The following RASGRF2 variants were observed in gnomAD, a reference collection of about 807,000 sequenced individuals.
RASGRF2 encodes the protein Ras protein specific guanine nucleotide releasing factor 2.
In RASGRF2, 76 loss-of-function variants were observed where a neutral mutation model predicts 151.0. The observed-to-expected ratio is 0.50, with a 90% confidence interval of 0.42 to 0.61. The LOEUF (loss-of-function observed/expected upper bound fraction) is 0.61, where lower values mean the gene tolerates loss of function less well. Among genes scored for constraint, RASGRF2 ranks in the 20% least tolerant of loss-of-function variants. The probability of loss-of-function intolerance (pLI) is 0.00; values close to 1 mark genes in which losing one functional copy is unlikely to be tolerated. For missense variants in RASGRF2, 1,148 were observed against 1,564.6 expected, an observed-to-expected ratio of 0.73 and a Z score of 4.49; for synonymous variants, 504 against 566.5, an observed-to-expected ratio of 0.89 and a Z score of 1.57.
chr5:81,221,242 C>A (rs558575299), intron 26 of RASGRF2, among the ~76,000 whole-genome samples: 3 of 152,222 alleles, frequency 2.0e-5, no homozygotes, highest in South Asian at 4.1e-4. Context: ...ACTATGAACA[C>A]CCCACACCTA....
At chr5:81,208,470 T>C in intron 22 of RASGRF2, 32 bp downstream of exon 22, 3 of 1,543,988 alleles carry the variant, frequency 1.9e-6, no homozygotes, top group Non-Finnish European at 2.7e-6. Context: ...ACCGTGGGCG[T>C]GTCACAAGAA....
intron 1 of RASGRF2, among the ~76,000 whole-genome samples, chr5:80,971,239 CCCCAA>C (rs1170626542): frequency 6.6e-6 from 1 of 152,172 alleles, no homozygotes; most frequent in African/African-American, 2.4e-5. Flanking sequence ...CTCTCCACCA[CCCCAA>C]CCGTGGGTAG....
At chr5:81,130,758 G>A (rs1217591346) in intron 17 of RASGRF2, among the ~76,000 whole-genome samples, 2 of 151,736 alleles carry the variant, frequency 1.3e-5, no homozygotes, top group Non-Finnish European at 2.9e-5. Flanking sequence ...GCAAAGGCAA[G>A]CAGAAGAAAG....
At chr5:81,060,918 G>A (rs1472292997) in intron 2 of RASGRF2, among the ~76,000 whole-genome samples, 1 of 152,020 alleles carries the variant, frequency 6.6e-6, no homozygotes, top group Non-Finnish European at 1.5e-5. Flanking sequence ...TCTCATTAGA[G>A]TACCTTTCTC....
intron 2 of RASGRF2, among the ~76,000 whole-genome samples, chr5:81,053,278 C>A (rs1381554704): frequency 8.7e-6 from 1 of 114,724 alleles, no homozygotes; most frequent in Non-Finnish European, 1.7e-5. Flanking sequence ...CTCCCCCCTC[C>A]CCCCACCCCA....
At chr5:81,057,333 A>G (rs998729246) in intron 2 of RASGRF2, among the ~76,000 whole-genome samples, 2 of 152,086 alleles carry the variant, frequency 1.3e-5, no homozygotes, top group Admixed American at 1.3e-4. Flanking sequence ...TTTGCTTCAT[A>G]TATACGTCCT....
At chr5:81,137,280 A>C (rs981223537) in intron 17 of RASGRF2, among the ~76,000 whole-genome samples, 4 of 152,194 alleles carry the variant, frequency 2.6e-5, no homozygotes, top group Middle Eastern at 3.2e-3. Context: ...AGCACATTTA[A>C]GGTGGGCTAG....
At chr5:81,153,849 A>G (rs1754193566) in intron 17 of RASGRF2, among the ~76,000 whole-genome samples, 1 of 152,074 alleles carries the variant, frequency 6.6e-6, no homozygotes. Context: ...AAATAAATTG[A>G]AAGTAAAGGA....
intron 14 of RASGRF2, 128 bp from the exon 15 acceptor site, chr5:81,113,410 C>G (rs26422): frequency 0.7 from 784,832 of 1,114,932 alleles, 278,041 homozygotes; most frequent in Middle Eastern, 0.83. Flanking sequence ...TTTAGATTAA[C>G]GGAAGTCCAG....
intron 18 of RASGRF2, among the ~76,000 whole-genome samples, chr5:81,182,046 C>A (rs746732621): frequency 6.6e-6 from 1 of 152,142 alleles, no homozygotes; most frequent in African/African-American, 2.4e-5. Flanking sequence ...GGTTTGCCAC[C>A]TGATTTGGCA....
At chr5:81,044,274 C>G (rs528523724) in intron 2 of RASGRF2, among the ~76,000 whole-genome samples, 4 of 151,936 alleles carry the variant, frequency 2.6e-5, no homozygotes, top group African/African-American at 9.7e-5. Flanking sequence ...AAAAATTAGC[C>G]GGGCATGGTG....
At chr5:81,072,690 CAG>C (rs1751813758) in intron 4 of RASGRF2, among the ~76,000 whole-genome samples, 2 of 152,034 alleles carry the variant, frequency 1.3e-5, no homozygotes, top group African/African-American at 4.8e-5. Flanking sequence ...AGATTAAAAA[CAG>C]AGAAAAAAAC....
At chr5:81,165,627 C>T (rs1246947362) in intron 17 of RASGRF2, among the ~76,000 whole-genome samples, 1 of 152,210 alleles carries the variant, frequency 6.6e-6, no homozygotes, top group Non-Finnish European at 1.5e-5. Flanking sequence ...TTTCACCTGA[C>T]ATTATCCGCC....
At chr5:81,176,422 CG>C (rs760021788) in intron 17 of RASGRF2, among the ~76,000 whole-genome samples, 73 of 152,152 alleles carry the variant, frequency 4.8e-4, no homozygotes, top group South Asian at 1.0e-3. Flanking sequence ...CTCCATAATC[CG>C]GGAGAATCTA....
chr5:81,176,331 C>T (rs1448669178), intron 17 of RASGRF2, among the ~76,000 whole-genome samples: 1 of 152,154 alleles, frequency 6.6e-6, no homozygotes, highest in Non-Finnish European at 1.5e-5. Flanking sequence ...CCAAGAAGTC[C>T]TTGTACCATT....
intron 1 of RASGRF2, among the ~76,000 whole-genome samples, chr5:81,007,930 G>A (rs1749324445): frequency 6.6e-6 from 1 of 151,984 alleles, no homozygotes; most frequent in Non-Finnish European, 1.5e-5. Context: ...TCATCCCTTG[G>A]CCATGGCAGT....
intron 2 of RASGRF2, among the ~76,000 whole-genome samples, chr5:81,056,139 C>G (rs1751202615): frequency 6.6e-6 from 1 of 152,098 alleles, no homozygotes; most frequent in African/African-American, 2.4e-5. Flanking sequence ...CAGTTCTGCT[C>G]TGATCTTAGT....
Position 80,960,634 on chromosome 5 carries a change from C to T in RASGRF2, c.-105C>T. The T allele has an allele frequency of 9.1e-7, 1 of 1,104,612 alleles. No homozygotes were observed. The highest frequency in any genetic ancestry group is 1.1e-6 in the Non-Finnish European group (1 of 869,786). The allele number at this position is 1,104,612 out of a possible 1,614,324, so 68.4% of individuals were successfully genotyped here. A position where few individuals can be genotyped will look rare whatever the true frequency, so the allele number is the denominator to read the frequency against. On this transcript the variant is annotated 5_prime_UTR_variant, in exon 1 of 27. Coordinates refer to ENST00000265080, the MANE Select transcript of RASGRF2 (RefSeq NM_006909.3). This position sits in a 1 kb window ranked among gnomAD's most constrained non-coding sequence, Gnocchi z 5.5. ...GCGTGGGGAAAGGGGGCGCCCTTCGCCGGCCGGGACCTGAGCGGTCGCGCC... is the reference window on the plus strand; with the variant it reads ...GCGTGGGGAAAGGGGGCGCCCTTCGTCGGCCGGGACCTGAGCGGTCGCGCC...
chr5:81,018,035 G>A (rs1749697956), intron 1 of RASGRF2, among the ~76,000 whole-genome samples: 1 of 152,084 alleles, frequency 6.6e-6, no homozygotes, highest in Non-Finnish European at 1.5e-5. Flanking sequence ...CTTGAACCTG[G>A]GAGGCAGCAG....
Sources: gnomAD v4.1 joint callset for allele counts (sites outside exome capture counted in the v4.1 genomes callset) on GRCh38, gnomAD v4.1.1 for gene constraint, Gnocchi (gnomAD v3.1) non-coding constraint, MANE v1.5 for transcripts, NCBI Gene and HGNC (gene_info 2026-07-23, HGNC 2026-07-21) for gene names.